The following GALNT17 variants were observed in gnomAD, a reference collection of about 807,000 sequenced individuals.
The protein encoded by GALNT17 is UDP-GalNAc:polypeptide N-acetylgalactosaminyltransferase-like 3.
A neutral mutation model predicts 63.7 loss-of-function variants in GALNT17; 29 were observed. The ratio of observed to expected loss-of-function variants is 0.46; its 90% CI spans 0.34 to 0.62. GALNT17 has a LOEUF of 0.62. Among genes scored for constraint, GALNT17 ranks in the 20% least tolerant of loss-of-function variants. The pLI, the probability that GALNT17 is intolerant of heterozygous loss-of-function variation, is 0.01. For missense variants in GALNT17, 603 were observed against 799.6 expected, an observed-to-expected ratio of 0.75 and a Z score of 2.97; for synonymous variants, 305 against 318.3, an observed-to-expected ratio of 0.96 and a Z score of 0.45.
rs76427298 is a variant in GALNT17, at chr7:71,385,584, C to T, written c.423-2651C>T. Among the ~76,000 whole-genome samples, 312 of 152,310 alleles carry T rather than the reference C, an allele frequency of 2.0e-3. 3 individuals are homozygous for T. The highest frequency in any genetic ancestry group is 7.2e-3 in the African/African-American group (298 of 41,562). ...ACATGAGCTTTATGCACATTCCCGC[C>T]AGCCTGATTAACCCCAGGGGAGGTG... On this transcript the variant is annotated intron_variant, in intron 2 of 10. Transcript: ENST00000333538.
chr7:71,255,392 T>C lies in GALNT17; in HGVS notation c.239-80158T>C, dbSNP rs111507368. Reference sequence around the variant, plus strand: ...TGTACCTTTCACCTTCCACCATGATTGTGAGGCTTTGCCAGCCATGTGGAA... The same window carrying C: ...TGTACCTTTCACCTTCCACCATGATCGTGAGGCTTTGCCAGCCATGTGGAA... On this transcript the variant is annotated intron_variant, in intron 1 of 10. Coordinates refer to ENST00000333538, the MANE Select transcript of GALNT17 (RefSeq NM_022479.3). Among the ~76,000 whole-genome samples the C allele has an allele frequency of 4.4e-3, 677 of 152,348 alleles. 6 individuals are homozygous for C. The highest frequency in any genetic ancestry group is 0.015 in the African/African-American group (638 of 41,590).
chr7:71,635,135 A>G (rs1259252609), intron 6 of GALNT17, among the ~76,000 whole-genome samples: 1 of 144,676 alleles, frequency 6.9e-6, no homozygotes, highest in Admixed American at 7.4e-5. Context: ...TGAACCCGGG[A>G]GGCAGAGGTT....
intron 4 of GALNT17, among the ~76,000 whole-genome samples, chr7:71,420,501 G>A (rs1261510763): frequency 6.6e-6 from 1 of 152,176 alleles, no homozygotes; most frequent in Admixed American, 6.5e-5. Flanking sequence ...AACAAGCGGT[G>A]GCAGTCAGTG....
At chr7:71,446,565 T>C (rs546045593) in intron 5 of GALNT17, among the ~76,000 whole-genome samples, 39 of 152,244 alleles carry the variant, frequency 2.6e-4, no homozygotes, top group Non-Finnish European at 3.7e-4. Flanking sequence ...TTATTTATTT[T>C]GAGGTGGAGT....
chr7:71,375,019 T>A (rs1187949684), intron 2 of GALNT17, among the ~76,000 whole-genome samples: 1 of 151,978 alleles, frequency 6.6e-6, no homozygotes, highest in Non-Finnish European at 1.5e-5. Context: ...TTTGTGTTTT[T>A]AGTAGAGACG....
chr7:71,332,937 C>T (rs935083811), intron 1 of GALNT17, among the ~76,000 whole-genome samples: 1 of 152,208 alleles, frequency 6.6e-6, no homozygotes, highest in Non-Finnish European at 1.5e-5. Context: ...ATCCGCCCAC[C>T]TCAGCCTCCC....
At chr7:71,411,469 A>G (rs1351106483) in intron 3 of GALNT17, among the ~76,000 whole-genome samples, 3 of 152,080 alleles carry the variant, frequency 2.0e-5, no homozygotes, top group Admixed American at 1.3e-4. Flanking sequence ...GTGTGCTTCC[A>G]TGGGAGCCTG....
At chr7:71,133,125 C>T in intron 1 of GALNT17, 85 bp downstream of exon 1, 1 of 1,233,806 alleles carries the variant, frequency 8.1e-7, no homozygotes, top group East Asian at 2.9e-5. Flanking sequence ...GCGCTGCGCC[C>T]TGTGCCTGGG....
chr7:71,386,963 C>T lies in GALNT17; in HGVS notation c.423-1272C>T, dbSNP rs553092919. Among the ~76,000 whole-genome samples, 238 of 152,122 alleles carry T rather than the reference C, an allele frequency of 1.6e-3. 2 individuals are homozygous for T. Among genetic ancestry groups the T allele is most frequent in the South Asian group, 0.012 (57 of 4,804 alleles). On this transcript the variant is annotated intron_variant, in intron 2 of 10. Transcript: ENST00000333538. ...TTCAGTAGATGCCTTCATTTGGGTT[C>T]CCCCAGAAACAGAGCCTGAAACAAA...
At chr7:71,541,289 T>A (rs1788887281) in intron 5 of GALNT17, among the ~76,000 whole-genome samples, 1 of 149,856 alleles carries the variant, frequency 6.7e-6, no homozygotes, top group Non-Finnish European at 1.5e-5. Flanking sequence ...TGGCCTTATG[T>A]GTGCTGGGCC....
At chr7:71,580,876 G>A (rs1789626321) in intron 6 of GALNT17, among the ~76,000 whole-genome samples, 1 of 152,182 alleles carries the variant, frequency 6.6e-6, no homozygotes, top group Admixed American at 6.5e-5. Context: ...AAGCCAAGGA[G>A]GGAGCACTAA....
At chr7:71,405,260 A>T (rs190818136) in intron 3 of GALNT17, among the ~76,000 whole-genome samples, 1 of 152,202 alleles carries the variant, frequency 6.6e-6, no homozygotes, top group Non-Finnish European at 1.5e-5. Context: ...GCATGTAGGC[A>T]TGCCACTTAC....
chr7:71,436,878 G>A (rs1420666119), intron 5 of GALNT17, among the ~76,000 whole-genome samples: 2 of 152,064 alleles, frequency 1.3e-5, no homozygotes, highest in East Asian at 3.9e-4. Flanking sequence ...TTTCTCTGCG[G>A]GGGTCCATCC....
At chr7:71,624,292 G>A (rs1191338374) in intron 6 of GALNT17, among the ~76,000 whole-genome samples, 1 of 152,168 alleles carries the variant, frequency 6.6e-6, no homozygotes, top group East Asian at 1.9e-4. Context: ...GATCTGAAAA[G>A]GTCTCAGGGC....
At chr7:71,200,658 G>A (rs988633600) in intron 1 of GALNT17, among the ~76,000 whole-genome samples, 1 of 152,036 alleles carries the variant, frequency 6.6e-6, no homozygotes, top group Non-Finnish European at 1.5e-5. Context: ...TAGTCATTAT[G>A]GATATTCAGT....
At chr7:71,667,806 T>TA (rs1554321614) in intron 7 of GALNT17, among the ~76,000 whole-genome samples, 2 of 28,410 alleles carry the variant, frequency 7.0e-5, no homozygotes, top group African/African-American at 1.5e-4. Flanking sequence ...TAAAGGGGAA[T>TA]TTTTTTTTTT....
chr7:71,618,786 T>C (rs569306276), intron 6 of GALNT17, among the ~76,000 whole-genome samples: 49 of 152,330 alleles, frequency 3.2e-4, no homozygotes, highest in African/African-American at 1.1e-3. Flanking sequence ...TGATAGTTTC[T>C]TTTGCTTTGC....
chr7:71,270,530 C>G (rs1192965494), intron 1 of GALNT17, among the ~76,000 whole-genome samples: 1 of 127,264 alleles, frequency 7.9e-6, no homozygotes, highest in African/African-American at 2.9e-5. Flanking sequence ...GTACCCTCCC[C>G]ACCCCACCAA....
At chr7:71,190,235 A>T (rs1404512505) in intron 1 of GALNT17, among the ~76,000 whole-genome samples, 1 of 152,178 alleles carries the variant, frequency 6.6e-6, no homozygotes, top group Non-Finnish European at 1.5e-5. Flanking sequence ...ATTCTTGCCA[A>T]AGTCTGATTT....
Sources: allele counts gnomAD v4.1 joint callset (sites outside exome capture counted in the v4.1 genomes callset), GRCh38; gene constraint gnomAD v4.1.1; transcripts MANE v1.5; gene names NCBI Gene and HGNC (gene_info 2026-07-23, HGNC 2026-07-21).